Variants in PER2 observed in about 807,000 individuals in gnomAD.
The protein encoded by PER2 is period circadian regulator 2, also known as period circadian protein homolog 2.
Under a neutral mutation model 121.0 loss-of-function variants are expected in PER2, and 66 were observed. The observed-to-expected ratio is 0.55, with a 90% confidence interval of 0.45 to 0.67. PER2 has a LOEUF of 0.67. Ranked by LOEUF, PER2 falls within the 30% of genes least tolerant of loss-of-function variation. The pLI, the probability that PER2 is intolerant of heterozygous loss-of-function variation, is 0.00. For synonymous variants in PER2, 684 were observed against 659.9 expected (o/e 1.04, Z -0.56); for missense variants, 1,521 against 1,635.0 (o/e 0.93, Z 1.20).
intron 12 of PER2, chr2:238,261,463 C>G (rs991356856): frequency 5.7e-6 from 3 of 527,936 alleles, no homozygotes; most frequent in Non-Finnish European, 1.0e-5. Context: ...TGTGTCAGAG[C>G]ACGGGGTCTG....
Position 238,256,993 on chromosome 2 carries a change from G to A in PER2, c.1994C>T (p.Ser665Leu), listed in dbSNP as rs1695781606. 1 of 1,613,780 alleles carries A rather than the reference G, an allele frequency of 6.2e-7. No homozygotes were observed. Among genetic ancestry groups the A allele is most frequent in the East Asian group, 2.2e-5 (1 of 44,888 alleles). Residue 665 changes from serine (S) to leucine (L), a missense_variant, in exon 17 of 23, where the codon TCG becomes TTG. Ser to Leu is a moderately radical substitution (Grantham distance 145, BLOSUM62 -2). Transcript: ENST00000254657. ...ALPGKAESVA[S>L]LTSQCSYSST... The stretch of plus-strand genomic sequence containing the variant: ...GCTGTAGCTGCACTGGCTGGTGAGC[G>A]ACGCCACACTCTCTGCCTTGCCCGG...
chr2:238,294,476 T>C (rs1230458826), upstream of PER2, among the ~76,000 whole-genome samples: 1 of 152,226 alleles, frequency 6.6e-6, no homozygotes, highest in Non-Finnish European at 1.5e-5. Flanking sequence ...TACTTGAGTA[T>C]GGCTGTCGGG....
chr2:238,267,618 G>A (rs1294612217), intron 8 of PER2, among the ~76,000 whole-genome samples: 2 of 152,156 alleles, frequency 1.3e-5, no homozygotes, highest in Non-Finnish European at 2.9e-5. Flanking sequence ...TCATTTCTTG[G>A]GGACTGAGGA....
chr2:238,267,210 C>T (rs1350116200), intron 8 of PER2, among the ~76,000 whole-genome samples: 1 of 152,170 alleles, frequency 6.6e-6, no homozygotes, highest in Admixed American at 6.5e-5. Context: ...AAGGTGAGCA[C>T]CTACAGTTCC....
chr2:238,279,052 G>A (rs1215647487), intron 1 of PER2, among the ~76,000 whole-genome samples: 5 of 152,082 alleles, frequency 3.3e-5, no homozygotes, highest in Non-Finnish European at 7.4e-5. Context: ...GGTGAACAGA[G>A]ACAGGGAGTA....
chr2:238,259,244 A>G (rs1695852843), intron 14 of PER2, among the ~76,000 whole-genome samples: 1 of 152,162 alleles, frequency 6.6e-6, no homozygotes, highest in African/African-American at 2.4e-5. Context: ...GTCTGGCCAG[A>G]GTGTTCCCCA....
At chr2:238,261,681 GCT>G in intron 12 of PER2, 46 bp downstream of exon 12, 1 of 1,196,748 alleles carries the variant, frequency 8.4e-7, no homozygotes, top group South Asian at 1.3e-5. Context: ...TCTGCAGGGG[GCT>G]CTCAGGCTGC....
Position 238,262,980 on chromosome 2 carries a change from C to T in PER2, c.1125G>A (p.Arg375=), listed in dbSNP as rs898896291. 8 of 1,613,494 alleles carry T rather than the reference C, an allele frequency of 5.0e-6. No individual in the cohort carries two copies. The African/African-American group carries it at 8.0e-5, about 16-fold the overall frequency. The change falls in exon 10 of 23, where the codon AGG becomes AGA. Residue 375 remains arginine (R), a synonymous_variant. Transcript: ENST00000254657. ...TTTTGTGGATGGCCAGCATCAAGGG[C>T]CTGTCACTAGGGTGGAGCTGCACGA... The part of the protein sequence containing the change: ...PVLVQLHPSD[R]PLMLAIHKKI...
chr2:238,297,715 T>C, the PER2 span, among the ~76,000 whole-genome samples: 5 of 152,200 alleles, frequency 3.3e-5, no homozygotes, highest in Non-Finnish European at 7.4e-5. Context: ...TGGCTGTCAC[T>C]GCTGGCCCAA....
the PER2 span, chr2:238,299,715 C>T: frequency 6.6e-6 from 1 of 152,222 alleles, no homozygotes; most frequent in Non-Finnish European, 1.5e-5. Flanking sequence ...GAATCTCAAA[C>T]CCCCAAATTC....
rs569515465 is a variant in PER2, at chr2:238,245,198, A to G, written c.*1177T>C. ...TTCTGAACCATCTTTGGAATATACAATGCAACATGAGGTTTTGTAAAAAGC... is the reference window on the plus strand; with the variant it reads ...TTCTGAACCATCTTTGGAATATACAGTGCAACATGAGGTTTTGTAAAAAGC... On this transcript the variant is annotated 3_prime_UTR_variant, in exon 23 of 23. Coordinates refer to ENST00000254657, the MANE Select transcript of PER2 (RefSeq NM_022817.3). 4.5e-5 allele frequency: 9 copies of G among 199,198 alleles called. No homozygotes were observed. The highest frequency in any genetic ancestry group is 9.1e-5 in the Non-Finnish European group (9 of 99,134). The allele number at this position is 199,198 out of a possible 1,614,324, so 12.3% of individuals were successfully genotyped here.
At position 238,275,624 on chromosome 2, in the gene PER2, G is replaced by C; in HGVS notation, c.448+119C>G. ...GAATCGCTTAAGCCCAGAAGTCAAG[G>C]CTGCAGTGAGCTGCGATGAGCCTCG... On this transcript the variant is annotated intron_variant, in intron 4 of 22. Transcript: ENST00000254657. 8 of 1,110,340 alleles carry C rather than the reference G, an allele frequency of 7.2e-6. No homozygotes were observed. The East Asian group carries it at 1.9e-4, about 26-fold the overall frequency. 68.8% of individuals were successfully genotyped at this position (1,110,340 alleles called of 1,614,324 possible). A position where few individuals can be genotyped will look rare whatever the true frequency, so the allele number is the denominator to read the frequency against.
chr2:238,267,446 G>C (rs1696145144), intron 8 of PER2, among the ~76,000 whole-genome samples: 1 of 152,230 alleles, frequency 6.6e-6, no homozygotes, highest in Non-Finnish European at 1.5e-5. Flanking sequence ...AGCAGGAGCA[G>C]AGACTGTGGT....
At chr2:238,294,923 C>G (rs2106341048), upstream of PER2, among the ~76,000 whole-genome samples, 1 of 152,338 alleles carries the variant, frequency 6.6e-6, no homozygotes. Context: ...CGCTCTGAGT[C>G]CACAAGGACT....
intron 1 of PER2, among the ~76,000 whole-genome samples, chr2:238,281,070 C>T (rs572600511): frequency 4.0e-5 from 6 of 150,440 alleles, no homozygotes; most frequent in African/African-American, 1.5e-4. Context: ...GTGGCGCAAT[C>T]TCGGCTCATG....
Position 238,249,142 on chromosome 2 carries a change from T to C in PER2, c.3538A>G (p.Thr1180Ala), listed in dbSNP as rs1695530412. 1 of 1,614,168 alleles carries C rather than the reference T, an allele frequency of 6.2e-7. No individual in the cohort carries two copies. The highest frequency in any genetic ancestry group is 8.5e-7 in the Non-Finnish European group (1 of 1,179,972). Reference protein sequence around the residue: ...KLLQKLQPRFTESQKQELREV... With the variant: ...KLLQKLQPRFAESQKQELREV... Reference sequence around the variant, plus strand: ...CGCAGCTCCTGCTTCTGACTCTCCGTGAACCTGGGCTGGAGTTTCTGTAGG... The same window carrying C: ...CGCAGCTCCTGCTTCTGACTCTCCGCGAACCTGGGCTGGAGTTTCTGTAGG... Residue 1180 changes from threonine to alanine, a missense_variant, in exon 22 of 23, where the codon ACG becomes GCG. Coordinates refer to ENST00000254657, the MANE Select transcript of PER2 (RefSeq NM_022817.3).
intron 1 of PER2, among the ~76,000 whole-genome samples, chr2:238,284,302 C>T (rs969671366): frequency 3.3e-5 from 5 of 151,846 alleles, no homozygotes; most frequent in African/African-American, 1.2e-4. Flanking sequence ...ATTAGCCAGG[C>T]GTCATGGTGT....
chr2:238,251,489 G>C (rs1187907717), intron 20 of PER2, 110 bp downstream of exon 20: 8 of 961,374 alleles, frequency 8.3e-6, no homozygotes, highest in Non-Finnish European at 1.2e-5. Context: ...CAGCTGCTTG[G>C]GGAGTGCCGG....
At position 238,253,706 on chromosome 2, in the gene PER2, A is replaced by T; in HGVS notation, c.2321-4T>A. ...GTATTTCTTAGTCCAGGGGCAGCTAATGCAGAAAAACAAATACTCGGAGTT... is the reference window on the plus strand; with the variant it reads ...GTATTTCTTAGTCCAGGGGCAGCTATTGCAGAAAAACAAATACTCGGAGTT... On this transcript the variant is annotated splice_region_variant and splice_polypyrimidine_tract_variant and intron_variant, in intron 18 of 22. Coordinates refer to ENST00000254657, the MANE Select transcript of PER2 (RefSeq NM_022817.3). This position sits in a 1 kb window ranked among gnomAD's most constrained non-coding sequence, Gnocchi z 5.6. 3.8e-6 allele frequency: 6 copies of T among 1,595,452 alleles called. No individual in the cohort carries two copies. The highest frequency in any genetic ancestry group is 5.1e-6 in the Non-Finnish European group (6 of 1,168,642).
Sources: gnomAD v4.1 joint callset for allele counts (sites outside exome capture counted in the v4.1 genomes callset) on GRCh38, gnomAD v4.1.1 for gene constraint, Gnocchi (gnomAD v3.1) non-coding constraint, MANE v1.5 for transcripts, NCBI Gene and HGNC (gene_info 2026-07-23, HGNC 2026-07-21) for gene names.